PWP1: variants seen among roughly 807,000 people sequenced by gnomAD.
The protein encoded by PWP1 is PWP1 homolog, endonuclein, also known as periodic tryptophan protein 1 homolog.
In PWP1, 47 loss-of-function variants were observed where a neutral mutation model predicts 69.9. That is an observed-to-expected ratio of 0.67 (90% confidence interval 0.53 to 0.86). The LOEUF is 0.86. PWP1 is among the 40% of genes least tolerant of loss of function. PWP1 has a pLI of 0.00. For missense variants in PWP1, 551 were observed against 608.8 expected (o/e 0.91, Z 1.00); for synonymous variants, 222 against 208.2 (o/e 1.07, Z -0.57).
chr12:107,712,296 A>T lies in PWP1; in HGVS notation c.*76A>T. The T allele has an allele frequency of 9.2e-7, 1 of 1,084,242 alleles. No homozygotes were observed. Among genetic ancestry groups the T allele is most frequent in the Non-Finnish European group, 1.4e-6 (1 of 705,486 alleles). 67.2% of individuals were successfully genotyped at this position (1,084,242 alleles called of 1,614,324 possible). On this transcript the variant is annotated 3_prime_UTR_variant, in exon 15 of 15. Transcript: ENST00000412830. ...GGCCTAAAAATGTTCCATGCGTGGC[A>T]GCAACCATGCAGAGTGACTGAAACA...
chr12:107,703,136 G>A, intron 9 of PWP1, 105 bp downstream of exon 9: 1 of 832,916 alleles, frequency 1.2e-6, no homozygotes, highest in Non-Finnish European at 2.0e-6. Flanking sequence ...AATTTTATCT[G>A]GCTTGCGGCA....
intron 11 of PWP1, among the ~76,000 whole-genome samples, 153 bp downstream of exon 11, chr12:107,704,900 T>C (rs1330989818): frequency 6.6e-6 from 1 of 152,310 alleles, no homozygotes; most frequent in East Asian, 1.9e-4. Context: ...TTTTTTTAAA[T>C]AAGAGAACGG....
At chr12:107,689,239 A>C (rs911067352) in intron 3 of PWP1, among the ~76,000 whole-genome samples, 4 of 152,206 alleles carry the variant, frequency 2.6e-5, no homozygotes, top group Non-Finnish European at 4.4e-5. Context: ...TAAGTGAGTA[A>C]AGTACAGTAC....
intron 6 of PWP1, among the ~76,000 whole-genome samples, chr12:107,696,828 C>G (rs1415441665): frequency 6.6e-6 from 1 of 152,172 alleles, no homozygotes; most frequent in African/African-American, 2.4e-5. Flanking sequence ...AGGACAGGGC[C>G]TGAAGCCTTT....
chr12:107,709,798 TATATAA>T (rs1265869609), intron 13 of PWP1, among the ~76,000 whole-genome samples: 10 of 152,000 alleles, frequency 6.6e-5, no homozygotes, highest in African/African-American at 2.2e-4. Flanking sequence ...TGAATAAATA[TATATAA>T]ATATAATGGA....
At chr12:107,693,549 A>C (rs935406910) in intron 5 of PWP1, among the ~76,000 whole-genome samples, 3 of 152,122 alleles carry the variant, frequency 2.0e-5, no homozygotes, top group Non-Finnish European at 4.4e-5. Context: ...CCTGCTATAA[A>C]AAACCTGGAA....
At chr12:107,686,079 C>T in intron 1 of PWP1, 108 bp downstream of exon 1, 1 of 1,241,944 alleles carries the variant, frequency 8.1e-7, no homozygotes, top group Non-Finnish European at 1.2e-6. Context: ...GCTGGTGCGA[C>T]TGGCTGGGGT....
chr12:107,702,447 A>AT (rs1889733349), intron 8 of PWP1, among the ~76,000 whole-genome samples: 1 of 151,632 alleles, frequency 6.6e-6, no homozygotes, highest in Non-Finnish European at 1.5e-5. Flanking sequence ...TGCCCAGCTA[A>AT]TTTTTTGTAT....
At chr12:107,690,243 G>T (rs1366388489) in intron 3 of PWP1, among the ~76,000 whole-genome samples, 1 of 152,168 alleles carries the variant, frequency 6.6e-6, no homozygotes, top group South Asian at 2.1e-4. Context: ...AGAGCTGAGC[G>T]TGGTGGCTCA....
chr12:107,693,029 T>C lies in PWP1; in HGVS notation c.435T>C (p.Ile145=). 1 of 1,614,178 alleles carries C rather than the reference T, an allele frequency of 6.2e-7. No individual in the cohort carries two copies. Among genetic ancestry groups the C allele is most frequent in the Middle Eastern group, 1.6e-4 (1 of 6,062 alleles). ...TEQYEREDFL[I]KPSDNLIVCG... The stretch of plus-strand genomic sequence containing the variant: ...AATATGAACGTGAAGATTTCTTGAT[T>C]AAGCCCAGTGATAATCTTATAGTTT... The change falls in exon 5 of 15, where the codon ATT becomes ATC. Residue 145 remains isoleucine (I), a synonymous_variant. Transcript: ENST00000412830.
chr12:107,702,815 T>C lies in PWP1; in HGVS notation c.807-120T>C, dbSNP rs879186161. On this transcript the variant is annotated intron_variant, in intron 8 of 14. Transcript: ENST00000412830. ...CATTATGTAAGTCTTACATTTCTTT[T>C]GTTAAATTTATTCCTAAGTATTTTA... 6.6e-5 allele frequency: 44 copies of C among 671,650 alleles called. 1 individual carries two copies. The South Asian group carries it at 6.9e-4, about 11-fold the overall frequency. 41.6% of individuals were successfully genotyped at this position (671,650 alleles called of 1,614,324 possible).
At chr12:107,686,018 A>C (rs1367727010) in intron 1 of PWP1, 47 bp downstream of exon 1, 3 of 1,596,524 alleles carry the variant, frequency 1.9e-6, no homozygotes, top group South Asian at 2.2e-5. Context: ...TCTTTACGGC[A>C]CTGGGGGTCC....
Position 107,689,437 on chromosome 12 carries a change from T to C in PWP1, c.319+635T>C, listed in dbSNP as rs1482248484. Among the ~76,000 whole-genome samples the C allele has an allele frequency of 3.9e-5, 6 of 152,270 alleles. No individual in the cohort carries two copies. In the South Asian group the frequency reaches 8.3e-4, roughly 21 times the overall value. ...GACTACTGCCTGCATTTTGAGATGCTGTTCTTGGAGATAATTAGAAAAAGA... is the reference window on the plus strand; with the variant it reads ...GACTACTGCCTGCATTTTGAGATGCCGTTCTTGGAGATAATTAGAAAAAGA... On this transcript the variant is annotated intron_variant, in intron 3 of 14. Transcript: ENST00000412830.
Position 107,688,682 on chromosome 12 carries a change from C to T in PWP1, c.199C>T (p.Arg67Cys), listed in dbSNP as rs148629471. The T allele has an allele frequency of 2.2e-4, 356 of 1,614,104 alleles. No homozygotes were observed. Among genetic ancestry groups the T allele is most frequent in the Admixed American group, 3.3e-4 (20 of 60,032 alleles). ...SPSEDGMQSA[R>C]TQARPREPLE... ...TTCAGAAGATGGCATGCAGAGTGCA[C>T]GCACCCAGGCACGCCCAAGAGAGCC... Residue 67 changes from arginine to cysteine, a missense_variant, in exon 3 of 15, where the codon CGC (arginine) becomes TGC (cysteine). Transcript: ENST00000412830.
rs754348033 is a variant in PWP1 at position 107,692,884 on chromosome 12, T to G, written c.390T>G (p.Val130=). The change falls in exon 4 of 15, where the codon GTT becomes GTG. Residue 130 remains valine, a synonymous_variant. Transcript: ENST00000412830. ...GGAGTAATGATCAAGATCCTTACGT[T>G]ACTCTGAAAGATACAGTAAGTATTT... ...VYGSNDQDPY[V]TLKDTEQYER... 6.2e-7 allele frequency: 1 copy of G among 1,613,928 alleles called. No homozygotes were observed. Among genetic ancestry groups the G allele is most frequent in the Non-Finnish European group, 8.5e-7 (1 of 1,179,936 alleles).
chr12:107,690,619 C>T (rs1255070671), intron 3 of PWP1, among the ~76,000 whole-genome samples: 2 of 152,120 alleles, frequency 1.3e-5, no homozygotes, highest in African/African-American at 2.4e-5. Context: ...CATGCCACCA[C>T]GCCCAGCTAA....
At chr12:107,698,659 A>AGAAC (rs1889642086) in intron 7 of PWP1, among the ~76,000 whole-genome samples, 1 of 152,178 alleles carries the variant, frequency 6.6e-6, no homozygotes, top group African/African-American at 2.4e-5. Flanking sequence ...ATTATAGTTC[A>AGAAC]CTGCAGCCTG....
Position 107,710,473 on chromosome 12 carries a change from A to T in PWP1, c.1359A>T (p.Glu453Asp), listed in dbSNP as rs763823377. 1.3e-6 allele frequency: 2 copies of T among 1,589,268 alleles called. No homozygotes were observed. Among genetic ancestry groups the T allele is most frequent in the Non-Finnish European group, 1.7e-6 (2 of 1,163,870 alleles). ...PFIYAFGGQK[E>D]GLRVWDISTV... ...TTTATGCCTTTGGAGGTCAAAAAGA[A>T]GGGCTTCGGGTCTGGGATATAAGCA... Residue 453 changes from glutamate to aspartate, a missense_variant, in exon 14 of 15, where the codon GAA (glutamate) becomes GAT (aspartate). By Grantham distance (45) the Glu-to-Asp change is conservative. Coordinates refer to ENST00000412830, the MANE Select transcript of PWP1 (RefSeq NM_007062.3).
chr12:107,691,989 C>A (rs781623978), intron 3 of PWP1, among the ~76,000 whole-genome samples: 3 of 152,182 alleles, frequency 2.0e-5, no homozygotes, highest in African/African-American at 4.8e-5. Context: ...TAGATACAGT[C>A]CAGCAGAGGA....
Sources: allele counts gnomAD v4.1 joint callset (sites outside exome capture counted in the v4.1 genomes callset), GRCh38; gene constraint gnomAD v4.1.1; transcripts MANE v1.5; gene names NCBI Gene and HGNC (gene_info 2026-07-23, HGNC 2026-07-21).